Variants in PMS1 observed in about 807,000 individuals in gnomAD.
The protein encoded by PMS1 is PMS1 homolog 1, mismatch repair system component, also known as PMS1 protein homolog 1.
PMS1 carries 79 observed loss-of-function variants against 93.1 expected under a neutral mutation model. The observed-to-expected ratio is 0.85, with a 90% CI of 0.71 to 1.02. The LOEUF (loss-of-function observed/expected upper bound fraction) is 1.02, where lower values mean the gene tolerates loss of function less well. PMS1 is among the 50% of genes least tolerant of loss of function. The pLI, the probability that PMS1 is intolerant of heterozygous loss-of-function variation, is 0.00. For synonymous variants in PMS1, 335 were observed against 363.4 expected, an observed-to-expected ratio of 0.92 and a Z score of 0.89; for missense variants, 1,064 against 1,085.3, an observed-to-expected ratio of 0.98 and a Z score of 0.28.
chr2:189,864,243 T>C lies in PMS1; in HGVS notation c.2342+15T>C, dbSNP rs372773623. On this transcript the variant is annotated intron_variant, in intron 10 of 12. Transcript: ENST00000441310. Reference sequence around the variant, plus strand: ...TTAACAGAGAGGTATGATGATACAATACTTTTTAAGAGTAAAAATATTTAT... The same window carrying C: ...TTAACAGAGAGGTATGATGATACAACACTTTTTAAGAGTAAAAATATTTAT... The C allele has an allele frequency of 6.5e-7, 1 of 1,549,318 alleles. No homozygotes were observed. The highest frequency in any genetic ancestry group is 8.9e-7 in the Non-Finnish European group (1 of 1,122,174).
chr2:189,811,684 C>T (rs1402779606), intron 4 of PMS1, among the ~76,000 whole-genome samples: 1 of 152,096 alleles, frequency 6.6e-6, no homozygotes, highest in East Asian at 1.9e-4. Context: ...TACAAAGCCA[C>T]ATACCAAAGA....
intron 3 of PMS1, among the ~76,000 whole-genome samples, chr2:189,799,527 A>C (rs1212922445): frequency 6.6e-6 from 1 of 152,240 alleles, no homozygotes; most frequent in Non-Finnish European, 1.5e-5. Flanking sequence ...ACTTGATATA[A>C]ATGAAATCAT....
At chr2:189,855,166 G>C in intron 9 of PMS1, 38 bp downstream of exon 9, 1 of 1,554,998 alleles carries the variant, frequency 6.4e-7, no homozygotes, top group Non-Finnish European at 8.9e-7. Flanking sequence ...TGAATGTTCA[G>C]CTATTTCCAT....
At chr2:189,800,503 CTT>C (rs1434419957) in intron 3 of PMS1, among the ~76,000 whole-genome samples, 1 of 152,026 alleles carries the variant, frequency 6.6e-6, no homozygotes, top group Non-Finnish European at 1.5e-5. Flanking sequence ...TTAAATAAGA[CTT>C]AATGGGTGCA....
intron 5 of PMS1, among the ~76,000 whole-genome samples, chr2:189,827,640 A>G (rs2106359359): frequency 6.6e-6 from 1 of 152,340 alleles, no homozygotes; most frequent in East Asian, 1.9e-4. Context: ...TCCACTGTAT[A>G]TACAACAGAA....
chr2:189,792,478 C>G (rs1399063499), intron 2 of PMS1, among the ~76,000 whole-genome samples: 1 of 151,598 alleles, frequency 6.6e-6, no homozygotes, highest in African/African-American at 2.4e-5. Context: ...CTGGCTAGTA[C>G]CTAGTATGCA....
At chr2:189,815,069 A>T (rs914351764) in intron 4 of PMS1, among the ~76,000 whole-genome samples, 7 of 151,102 alleles carry the variant, frequency 4.6e-5, no homozygotes, top group Non-Finnish European at 1.0e-4. Context: ...ACTGCACTCC[A>T]GCCTGGGCAA....
At chr2:189,822,220 C>A (rs2051980461) in intron 5 of PMS1, among the ~76,000 whole-genome samples, 1 of 152,154 alleles carries the variant, frequency 6.6e-6, no homozygotes, top group Admixed American at 6.5e-5. Context: ...TTGCTGTGCA[C>A]CCTGGTCGGG....
At chr2:189,858,081 G>A (rs1340735587) in intron 9 of PMS1, among the ~76,000 whole-genome samples, 1 of 152,150 alleles carries the variant, frequency 6.6e-6, no homozygotes, top group African/African-American at 2.4e-5. Flanking sequence ...TGAATAAGGA[G>A]TAGGATCAGG....
In PMS1 at chr2:189,872,836, A is replaced by G. The variant is rs572614218; in HGVS notation, c.2474-660A>G. Among the ~76,000 whole-genome samples the G allele has an allele frequency of 5.9e-5, 9 of 152,172 alleles. No homozygotes were observed. The South Asian group carries it at 6.2e-4, about 11-fold the overall frequency. On this transcript the variant is annotated intron_variant, in intron 11 of 12. Coordinates refer to ENST00000441310, the MANE Select transcript of PMS1 (RefSeq NM_000534.5). ...TTTTTGGTAGAGACAGGGTCTCACC[A>G]TGTTGGACAGGCTGGTCTCAAACTC...
chr2:189,834,438 A>G (rs539049509), intron 5 of PMS1, among the ~76,000 whole-genome samples: 81 of 152,260 alleles, frequency 5.3e-4, no homozygotes, highest in Non-Finnish European at 1.0e-3. Flanking sequence ...ACATTTCAGT[A>G]GGAGACTAAC....
At chr2:189,786,235 A>G (rs529390851) in intron 1 of PMS1, among the ~76,000 whole-genome samples, 4 of 152,344 alleles carry the variant, frequency 2.6e-5, no homozygotes, top group African/African-American at 9.6e-5. Context: ...AGAAGTTTGT[A>G]CTTAACCTGG....
chr2:189,869,071 G>A (rs540531900), intron 11 of PMS1, among the ~76,000 whole-genome samples: 1 of 152,308 alleles, frequency 6.6e-6, no homozygotes, highest in African/African-American at 2.4e-5. Context: ...TTTTACAGAT[G>A]GAAAAATTGA....
chr2:189,853,533 T>TTTTTTTA (rs2054996088), intron 7 of PMS1, among the ~76,000 whole-genome samples: 1 of 151,456 alleles, frequency 6.6e-6, no homozygotes, highest in African/African-American at 2.4e-5. Context: ...TTTTTTTTTT[T>TTTTTTTA]GAGATGCAGC....
intron 11 of PMS1, among the ~76,000 whole-genome samples, chr2:189,869,921 C>T (rs2056995966): frequency 6.6e-6 from 1 of 151,626 alleles, no homozygotes; most frequent in African/African-American, 2.4e-5. Context: ...TTTTTAACTA[C>T]CCAGTAAGTT....
At chr2:189,824,404 T>C (rs2052240747) in intron 5 of PMS1, among the ~76,000 whole-genome samples, 1 of 152,076 alleles carries the variant, frequency 6.6e-6, no homozygotes, top group South Asian at 2.1e-4. Flanking sequence ...TTATTTTAAT[T>C]ATTTTTTAAA....
chr2:189,855,111 TG>T lies in PMS1; in HGVS notation c.1840del (p.Glu614LysfsTer5). The T allele has an allele frequency of 6.2e-7, 1 of 1,613,182 alleles. No homozygotes were observed. Among genetic ancestry groups the T allele is most frequent in the South Asian group, 1.1e-5 (1 of 91,052 alleles). On this transcript the variant is annotated frameshift_variant, in exon 9 of 13. Transcript: ENST00000441310. LOFTEE classifies it high-confidence loss of function. ...TTGAAGAACTGTGGAAGACATTGAG[TG>T]AAGAGGAAAAACTGAAGTAAGTTTC... is the stretch of plus-strand genomic sequence containing the variant. ...QIEELWKTLS[E>X]EEKLKYEEKA...
intron 3 of PMS1, among the ~76,000 whole-genome samples, chr2:189,798,620 A>T (rs1209354912): frequency 6.6e-5 from 10 of 152,090 alleles, no homozygotes; most frequent in Non-Finnish European, 1.5e-4. Context: ...ACAACCCTGG[A>T]TCTTGTACAA....
chr2:189,804,143 G>T (rs5743006), intron 3 of PMS1, among the ~76,000 whole-genome samples: 4,987 of 152,190 alleles, frequency 0.033, 99 homozygotes, highest in South Asian at 0.063. Flanking sequence ...GAAGCCACTG[G>T]CAGGGTTAGT....
Sources: allele counts gnomAD v4.1 joint callset (sites outside exome capture counted in the v4.1 genomes callset), GRCh38; gene constraint gnomAD v4.1.1; transcripts MANE v1.5; gene names NCBI Gene and HGNC (gene_info 2026-07-23, HGNC 2026-07-21).